The following PIK3R3 variants were observed in gnomAD, a reference collection of about 807,000 sequenced individuals.
The protein encoded by PIK3R3 is phosphatidylinositol 3-kinase regulatory subunit gamma.
PIK3R3 carries 64 observed loss-of-function variants against 62.9 expected under a neutral mutation model. That is an observed-to-expected ratio of 1.02 (90% confidence interval 0.83 to 1.25). The LOEUF is 1.25. Ranked by LOEUF, PIK3R3 falls within the 50% of genes most tolerant of loss-of-function variation. PIK3R3 has a pLI of 0.00. For synonymous variants in PIK3R3, 165 were observed against 189.0 expected (o/e 0.87, Z 1.04); for missense variants, 614 against 561.6 (o/e 1.09, Z -0.94).
rs1162051875 is a variant in PIK3R3 at position 46,041,420 on chromosome 1, C to T, written c.*2253G>A. The T allele has an allele frequency of 5.8e-6, 1 of 173,794 alleles. No homozygotes were observed. Among genetic ancestry groups the T allele is most frequent in the Non-Finnish European group, 1.2e-5 (1 of 80,206 alleles). 10.8% of individuals were successfully genotyped at this position (173,794 alleles called of 1,614,324 possible). ...ACTGAAAAAAAGCAGCCCTTCTCCA[C>T]AAGCCAGCCCAAGTGTAGATAAAGA... is the stretch of plus-strand genomic sequence containing the variant. On this transcript the variant is annotated 3_prime_UTR_variant, in exon 10 of 10. Transcript: ENST00000262741.
intron 6 of PIK3R3, among the ~76,000 whole-genome samples, chr1:46,061,706 A>C (rs923064072): frequency 6.6e-6 from 1 of 152,186 alleles, no homozygotes; most frequent in Admixed American, 6.5e-5. Flanking sequence ...ATGATATCTA[A>C]CCTGAAGTCC....
chr1:46,151,430 C>G, the PIK3R3 span, among the ~76,000 whole-genome samples: 3 of 152,120 alleles, frequency 2.0e-5, no homozygotes, highest in Admixed American at 6.6e-5. Flanking sequence ...GCAGAGGCCT[C>G]CTCTTTTGCA....
chr1:46,167,614 G>T, the PIK3R3 span, among the ~76,000 whole-genome samples: 1 of 152,170 alleles, frequency 6.6e-6, no homozygotes, highest in Non-Finnish European at 1.5e-5. Context: ...GTCTCACCAG[G>T]TTCCCCCTAC....
rs1646971465 is a variant in PIK3R3 at position 46,040,263 on chromosome 1, C to T, written c.*3410G>A. The T allele has an allele frequency of 8.6e-6, 2 of 232,958 alleles. No individual in the cohort carries two copies. The highest frequency in any genetic ancestry group is 3.6e-4 in the South Asian group (2 of 5,534). The allele number at this position is 232,958 out of a possible 1,614,324, so 14.4% of individuals were successfully genotyped here. A position where few individuals can be genotyped will look rare whatever the true frequency, so the allele number is the denominator to read the frequency against. On this transcript the variant is annotated 3_prime_UTR_variant, in exon 10 of 10. Transcript: ENST00000262741. ...CTCTCGCCTTTCCCCCTACCCTCCC[C>T]AACAATTGCACAGCAATGTCTGAAC...
At chr1:46,097,715 C>T (rs1652272279) in intron 1 of PIK3R3, among the ~76,000 whole-genome samples, 2 of 151,906 alleles carry the variant, frequency 1.3e-5, no homozygotes, top group African/African-American at 4.8e-5. Flanking sequence ...TGGTGAAACC[C>T]CGTCTTTACT....
At chr1:46,137,449 C>T (rs1176534842), upstream of PIK3R3, among the ~76,000 whole-genome samples, 1 of 152,236 alleles carries the variant, frequency 6.6e-6, no homozygotes, top group Admixed American at 6.5e-5. Flanking sequence ...CATTTGGCTG[C>T]CCCAGACTTG....
At chr1:46,101,944 T>A (rs1652718129) in intron 1 of PIK3R3, among the ~76,000 whole-genome samples, 1 of 150,198 alleles carries the variant, frequency 6.7e-6, no homozygotes, top group Admixed American at 6.7e-5. Flanking sequence ...CTTTAAAAAA[T>A]TAACAATGTA....
chr1:46,101,033 G>C (rs892170392), intron 1 of PIK3R3, among the ~76,000 whole-genome samples: 9 of 151,816 alleles, frequency 5.9e-5, no homozygotes, highest in South Asian at 4.2e-4. Context: ...AATTAGCTGG[G>C]TGTGGTGGCA....
the PIK3R3 span, among the ~76,000 whole-genome samples, chr1:46,140,959 C>T: frequency 6.6e-6 from 1 of 152,046 alleles, no homozygotes; most frequent in African/African-American, 2.4e-5. Context: ...CTCCCAGGCT[C>T]AAACAGTCCT....
chr1:46,143,781 C>G, the PIK3R3 span, among the ~76,000 whole-genome samples: 1 of 152,172 alleles, frequency 6.6e-6, no homozygotes, highest in Non-Finnish European at 1.5e-5. Flanking sequence ...CTATGCCTGA[C>G]CACCTTGAGT....
chr1:46,072,794 T>G lies in PIK3R3; in HGVS notation c.314+4721A>C, dbSNP rs369934816. ...GTGAGACCTCATCTCTACAAAGAAATTTTTACAAAATTAGCCACCAGGCAT... is the reference window on the plus strand; with the variant it reads ...GTGAGACCTCATCTCTACAAAGAAAGTTTTACAAAATTAGCCACCAGGCAT... On this transcript the variant is annotated intron_variant, in intron 3 of 9. Coordinates refer to ENST00000262741, the MANE Select transcript of PIK3R3 (RefSeq NM_003629.4). Among the ~76,000 whole-genome samples the G allele has an allele frequency of 8.6e-5, 13 of 151,932 alleles. No individual in the cohort carries two copies. The East Asian group carries it at 2.3e-3, about 27-fold the overall frequency.
Position 46,059,047 on chromosome 1 carries a change from T to G in PIK3R3, c.764+2882A>C, listed in dbSNP as rs575900344. Among the ~76,000 whole-genome samples, 3 of 152,330 alleles carry G rather than the reference T, an allele frequency of 2.0e-5. No individual in the cohort carries two copies. The South Asian group carries it at 6.2e-4, about 32-fold the overall frequency. On this transcript the variant is annotated intron_variant, in intron 6 of 9. Coordinates refer to ENST00000262741, the MANE Select transcript of PIK3R3 (RefSeq NM_003629.4). ...TGAATCATGGAGGCGGTTTCCCCACTACTGTTCTCATTGTAGTGAGTAAGT... is the reference window on the plus strand; with the variant it reads ...TGAATCATGGAGGCGGTTTCCCCACGACTGTTCTCATTGTAGTGAGTAAGT...
chr1:46,135,764 G>T (rs1392884674), upstream of PIK3R3, among the ~76,000 whole-genome samples: 2 of 151,846 alleles, frequency 1.3e-5, no homozygotes, highest in African/African-American at 2.4e-5. Flanking sequence ...GGGCACGGTG[G>T]CTCATGCCTG....
chr1:46,173,115 G>A, the PIK3R3 span, among the ~76,000 whole-genome samples: 316 of 152,326 alleles, frequency 2.1e-3, 4 homozygotes, highest in African/African-American at 7.3e-3. Flanking sequence ...TAGGGTGTGA[G>A]AAGGAAGCAC....
intron 1 of PIK3R3, among the ~76,000 whole-genome samples, chr1:46,089,480 C>T (rs1446782626): frequency 6.6e-6 from 1 of 151,998 alleles, no homozygotes; most frequent in African/African-American, 2.4e-5. Flanking sequence ...CTTTGGGAGG[C>T]CAAGGTGGGC....
chr1:46,062,227 CAA>C (rs1310538018), intron 5 of PIK3R3, among the ~76,000 whole-genome samples, 156 bp from the exon 6 acceptor site: 1 of 152,178 alleles, frequency 6.6e-6, no homozygotes, highest in Non-Finnish European at 1.5e-5. Context: ...AGGACTAAAA[CAA>C]GAGCTTTTAT....
At chr1:46,136,382 C>G (rs1655933524), upstream of PIK3R3, among the ~76,000 whole-genome samples, 1 of 152,156 alleles carries the variant, frequency 6.6e-6, no homozygotes, top group Non-Finnish European at 1.5e-5. Flanking sequence ...GTTAGTGGAT[C>G]TTCTGGAAAG....
At chr1:46,121,511 C>G (rs189543251) in intron 1 of PIK3R3, among the ~76,000 whole-genome samples, 1 of 151,880 alleles carries the variant, frequency 6.6e-6, no homozygotes, top group East Asian at 1.9e-4. Context: ...TAAATAAATA[C>G]GGGTTGGGCA....
At chr1:46,173,959 G>C in the PIK3R3 span, among the ~76,000 whole-genome samples, 1 of 152,258 alleles carries the variant, frequency 6.6e-6, no homozygotes, top group African/African-American at 2.4e-5. Flanking sequence ...GTGTCTGCAT[G>C]CGTGTATGTC....
Sources: allele counts gnomAD v4.1 joint callset (sites outside exome capture counted in the v4.1 genomes callset), GRCh38; gene constraint gnomAD v4.1.1; transcripts MANE v1.5; gene names NCBI Gene and HGNC (gene_info 2026-07-23, HGNC 2026-07-21).